ERP44: variants seen among roughly 807,000 people sequenced by gnomAD.
ERP44 encodes endoplasmic reticulum resident protein 44.
In ERP44, 25 loss-of-function variants were observed where a neutral mutation model predicts 53.4. That is an observed-to-expected ratio of 0.47 (90% CI 0.34 to 0.65). ERP44 has a LOEUF of 0.65. Ranked by LOEUF, ERP44 falls within the 30% of genes least tolerant of loss-of-function variation. The pLI is 0.01. For missense variants in ERP44, 338 were observed against 493.2 expected, an observed-to-expected ratio of 0.69 and a Z score of 2.98; for synonymous variants, 145 against 161.2, an observed-to-expected ratio of 0.90 and a Z score of 0.76.
chr9:100,030,355 G>A (rs1825767817), intron 4 of ERP44, among the ~76,000 whole-genome samples: 1 of 152,128 alleles, frequency 6.6e-6, no homozygotes, highest in Non-Finnish European at 1.5e-5. Flanking sequence ...GAAACAGACT[G>A]CAGCACCAAA....
At chr9:100,034,051 C>G (rs1453900943) in intron 4 of ERP44, among the ~76,000 whole-genome samples, 1 of 152,106 alleles carries the variant, frequency 6.6e-6, no homozygotes, top group Non-Finnish European at 1.5e-5. Flanking sequence ...CAGAGTGACT[C>G]CATGTTGCAT....
chr9:100,096,018 C>T (rs1280027582), intron 1 of ERP44, among the ~76,000 whole-genome samples: 2 of 151,818 alleles, frequency 1.3e-5, no homozygotes, highest in East Asian at 3.9e-4. Flanking sequence ...ATGGCAAAAC[C>T]CTTAAGTGTT....
rs144393750 is a variant in ERP44, at chr9:100,015,007, G to A, written c.762+1315C>T. On this transcript the variant is annotated intron_variant, in intron 8 of 11. Coordinates refer to ENST00000262455, the MANE Select transcript of ERP44 (RefSeq NM_015051.3). ...CTACTTCTCATTGTATCCTCACATG[G>A]CAGAAAGAGAGCTACATAACTCTCT... 1.2e-4 allele frequency among the ~76,000 whole-genome samples: 19 copies of A among 152,226 alleles called. No individual in the cohort carries two copies. The East Asian group carries it at 3.7e-3, about 29-fold the overall frequency.
intron 2 of ERP44, 108 bp downstream of exon 2, chr9:100,059,992 T>A: frequency 1.1e-6 from 1 of 918,492 alleles, no homozygotes; most frequent in Admixed American, 4.6e-5. Flanking sequence ...ATGCCAGCTC[T>A]TCATCTGTGC....
intron 1 of ERP44, among the ~76,000 whole-genome samples, chr9:100,085,711 C>T (rs536147533): frequency 6.6e-6 from 1 of 152,254 alleles, no homozygotes; most frequent in African/African-American, 2.4e-5. Flanking sequence ...ACCAGCCTGG[C>T]CAACATGGTG....
At chr9:99,983,945 G>C (rs532398936) in intron 11 of ERP44, among the ~76,000 whole-genome samples, 1 of 152,264 alleles carries the variant, frequency 6.6e-6, no homozygotes, top group South Asian at 2.1e-4. Flanking sequence ...AACAAATCAG[G>C]ATAATACAAT....
chr9:100,098,618 G>C (rs1011144707), intron 1 of ERP44, among the ~76,000 whole-genome samples, 166 bp downstream of exon 1: 2 of 152,212 alleles, frequency 1.3e-5, no homozygotes, highest in African/African-American at 4.8e-5. Context: ...CGGGGACTCC[G>C]CGCCTGGAAG....
At chr9:100,032,208 G>A (rs979364307) in intron 4 of ERP44, among the ~76,000 whole-genome samples, 21 of 152,132 alleles carry the variant, frequency 1.4e-4, no homozygotes, top group African/African-American at 4.8e-4. Flanking sequence ...TTATTAGGCT[G>A]TAGAAACTGC....
At chr9:100,086,474 A>G (rs1194548837) in intron 1 of ERP44, among the ~76,000 whole-genome samples, 1 of 152,208 alleles carries the variant, frequency 6.6e-6, no homozygotes, top group African/African-American at 2.4e-5. Flanking sequence ...ATCCTTTTCT[A>G]AGGTGCTTTC....
chr9:100,078,414 C>T (rs560932426), intron 1 of ERP44, among the ~76,000 whole-genome samples: 21 of 148,174 alleles, frequency 1.4e-4, no homozygotes, highest in African/African-American at 4.3e-4. Context: ...ACTGAGATTG[C>T]GCCTCTGCAC....
intron 10 of ERP44, 35 bp from the exon 11 acceptor site, chr9:99,985,104 A>AT: frequency 1.4e-6 from 2 of 1,384,358 alleles, no homozygotes; most frequent in Non-Finnish European, 2.1e-6. Context: ...TAAACTGTTA[A>AT]AATGGACTTA....
rs949901351 is a variant in ERP44 at position 100,052,590 on chromosome 9, T to G, written c.171-58A>C. 23 of 959,790 alleles carry G rather than the reference T, an allele frequency of 2.4e-5. No homozygotes were observed. The African/African-American group carries it at 3.6e-4, about 15-fold the overall frequency. 59.5% of individuals were successfully genotyped at this position (959,790 alleles called of 1,614,324 possible). ...AAAAGCAGAAGTAATAAAATCTTATTTCCGTTATTGCCCACTGACATTTGA... is the reference window on the plus strand; with the variant it reads ...AAAAGCAGAAGTAATAAAATCTTATGTCCGTTATTGCCCACTGACATTTGA... On this transcript the variant is annotated intron_variant, in intron 3 of 11. Transcript: ENST00000262455.
intron 3 of ERP44, among the ~76,000 whole-genome samples, chr9:100,054,969 A>G (rs1034964230): frequency 5.9e-5 from 9 of 152,186 alleles, no homozygotes; most frequent in African/African-American, 1.9e-4. Flanking sequence ...TACCAAATAG[A>G]TAAGTCTTTG....
intron 8 of ERP44, among the ~76,000 whole-genome samples, chr9:100,014,261 T>C (rs1427254151): frequency 1.3e-5 from 2 of 152,106 alleles, no homozygotes; most frequent in South Asian, 2.1e-4. Context: ...CAAGCTAAAA[T>C]TGGTCTTTAG....
At chr9:99,986,798 G>A (rs1028512155) in intron 10 of ERP44, among the ~76,000 whole-genome samples, 17 of 152,188 alleles carry the variant, frequency 1.1e-4, no homozygotes, top group Admixed American at 2.6e-4. Flanking sequence ...GCCTCTGAAA[G>A]GTTCTCTGGT....
intron 1 of ERP44, among the ~76,000 whole-genome samples, chr9:100,093,754 A>C (rs1340285975): frequency 6.6e-6 from 1 of 152,236 alleles, no homozygotes; most frequent in Non-Finnish European, 1.5e-5. Context: ...TCACACAAAA[A>C]GAAATGCAAA....
chr9:100,073,382 A>G (rs1215144902), intron 1 of ERP44, among the ~76,000 whole-genome samples: 2 of 152,206 alleles, frequency 1.3e-5, no homozygotes, highest in Non-Finnish European at 2.9e-5. Flanking sequence ...TTAAACTACA[A>G]TTGACCTTCT....
intron 1 of ERP44, among the ~76,000 whole-genome samples, chr9:100,076,750 C>CA (rs1826361339): frequency 1.3e-5 from 2 of 152,196 alleles, no homozygotes; most frequent in Non-Finnish European, 2.9e-5. Context: ...ATATTTGTAT[C>CA]CCATGTGAGT....
At chr9:100,002,132 T>TAAAA (rs59995242) in intron 10 of ERP44, among the ~76,000 whole-genome samples, 1 of 147,988 alleles carries the variant, frequency 6.8e-6, no homozygotes, top group African/African-American at 2.5e-5. Context: ...TTTATTCACA[T>TAAAA]AAAAAAAAAA....
Sources: gnomAD v4.1 joint callset for allele counts (sites outside exome capture counted in the v4.1 genomes callset) on GRCh38, gnomAD v4.1.1 for gene constraint, MANE v1.5 for transcripts, NCBI Gene and HGNC (gene_info 2026-07-23, HGNC 2026-07-21) for gene names.